Variants in THSD4 observed in about 807,000 individuals in gnomAD.
The protein encoded by THSD4 is thrombospondin type-1 domain-containing protein 4.
Under a neutral mutation model 119.0 loss-of-function variants are expected in THSD4, and 69 were observed. The observed-to-expected ratio is 0.58, with a 90% CI of 0.48 to 0.71. The LOEUF is 0.71. THSD4 is among the 30% of genes least tolerant of loss of function. The pLI, the probability that THSD4 is intolerant of heterozygous loss-of-function variation, is 0.00. For missense variants in THSD4, 1,393 were observed against 1,391.1 expected, an observed-to-expected ratio of 1.00 and a Z score of -0.02; for synonymous variants, 524 against 540.4, an observed-to-expected ratio of 0.97 and a Z score of 0.42.
At chr15:71,521,950 G>C (rs1446389180) in intron 7 of THSD4, among the ~76,000 whole-genome samples, 1 of 152,244 alleles carries the variant, frequency 6.6e-6, no homozygotes, top group East Asian at 1.9e-4. Context: ...ACAGCCACCT[G>C]TGTGGTGAGC....
At chr15:71,214,964 C>T in intron 3 of THSD4, 71 bp from the exon 4 acceptor site, 1 of 1,219,702 alleles carries the variant, frequency 8.2e-7, no homozygotes, top group South Asian at 4.1e-5. Flanking sequence ...GATAAGTCGA[C>T]CCTGCTCAAA....
At chr15:71,241,373 C>A (rs1233422449) in intron 4 of THSD4, among the ~76,000 whole-genome samples, 4 of 152,176 alleles carry the variant, frequency 2.6e-5, no homozygotes, top group Non-Finnish European at 1.5e-5. Context: ...TTTTCTGATC[C>A]CTTCAGACAG....
At chr15:71,512,141 T>A (rs2048292657) in intron 7 of THSD4, among the ~76,000 whole-genome samples, 1 of 152,130 alleles carries the variant, frequency 6.6e-6, no homozygotes, top group Non-Finnish European at 1.5e-5. Flanking sequence ...ACATGGCAAA[T>A]TCTATGCCTA....
chr15:71,299,973 AAAAATAT>A (rs1228590370), intron 6 of THSD4, among the ~76,000 whole-genome samples: 6,773 of 36,934 alleles, frequency 0.18, 141 homozygotes, highest in Non-Finnish European at 0.25. Context: ...AAAAAAAAAA[AAAAATAT>A]ATATATATAT....
intron 6 of THSD4, among the ~76,000 whole-genome samples, chr15:71,322,466 G>A (rs2045281325): frequency 6.6e-6 from 1 of 152,172 alleles, no homozygotes; most frequent in South Asian, 2.1e-4. Context: ...CGGGGTAATA[G>A]AATTCTAAAA....
intron 1 of THSD4, among the ~76,000 whole-genome samples, chr15:71,105,764 G>A (rs2040272063): frequency 6.6e-6 from 1 of 152,076 alleles, no homozygotes; most frequent in South Asian, 2.1e-4. Flanking sequence ...ACCCAAAGAC[G>A]AATTCTCAAA....
chr15:71,415,987 G>A (rs1418428751), intron 7 of THSD4, among the ~76,000 whole-genome samples: 1 of 152,172 alleles, frequency 6.6e-6, no homozygotes, highest in Non-Finnish European at 1.5e-5. Flanking sequence ...AGTAGAGACA[G>A]GGTTTCGTTG....
At chr15:71,230,574 A>G (rs1431329643) in intron 4 of THSD4, among the ~76,000 whole-genome samples, 1 of 152,174 alleles carries the variant, frequency 6.6e-6, no homozygotes, top group Non-Finnish European at 1.5e-5. Context: ...TGTTATCTCC[A>G]TTTTGCTGCT....
At chr15:71,756,169 C>T (rs1401316210) in intron 14 of THSD4, among the ~76,000 whole-genome samples, 3 of 152,072 alleles carry the variant, frequency 2.0e-5, no homozygotes, top group Non-Finnish European at 4.4e-5. Flanking sequence ...CCTGGCAGCC[C>T]AATGCATTGG....
At chr15:71,318,937 G>A (rs958146396) in intron 6 of THSD4, among the ~76,000 whole-genome samples, 1 of 152,142 alleles carries the variant, frequency 6.6e-6, no homozygotes, top group Non-Finnish European at 1.5e-5. Context: ...TTTAGCTTTG[G>A]ATAATTTGTT....
At chr15:71,405,164 C>T (rs1452191182) in intron 6 of THSD4, among the ~76,000 whole-genome samples, 1 of 152,220 alleles carries the variant, frequency 6.6e-6, no homozygotes, top group Admixed American at 6.5e-5. Context: ...GCTGGAATTA[C>T]AGGCGTGAGC....
In THSD4 at chr15:71,646,869, G is replaced by A. The variant is rs1319797881; in HGVS notation, c.1153-13661G>A. Among the ~76,000 whole-genome samples, 3 of 152,184 alleles carry A rather than the reference G, an allele frequency of 2.0e-5. No homozygotes were observed. In the East Asian group the frequency reaches 5.8e-4, roughly 29 times the overall value. ...GCACTCCCTTCCACCTGGAATCAGA[G>A]AATCACATATAGGCATAATGCCTAG... On this transcript the variant is annotated intron_variant, in intron 7 of 17. Coordinates refer to ENST00000261862, the MANE Select transcript of THSD4 (RefSeq NM_024817.3).
intron 7 of THSD4, among the ~76,000 whole-genome samples, chr15:71,593,533 GTGACAAGGCAGGA>G (rs1251374514): frequency 6.6e-6 from 1 of 151,698 alleles, no homozygotes; most frequent in Non-Finnish European, 1.5e-5. Context: ...TGGAGACAGT[GTGACAAGGCAGGA>G]TGACAGTGCC....
intron 8 of THSD4, among the ~76,000 whole-genome samples, chr15:71,669,333 T>G (rs957056399): frequency 3.3e-5 from 5 of 152,242 alleles, no homozygotes; most frequent in Non-Finnish European, 7.3e-5. Flanking sequence ...TAACCATTTT[T>G]GGTGATGTCT....
At chr15:71,772,827 C>G (rs1167240347) in intron 17 of THSD4, among the ~76,000 whole-genome samples, 2 of 152,092 alleles carry the variant, frequency 1.3e-5, no homozygotes, top group Non-Finnish European at 2.9e-5. Context: ...TGAGACCACA[C>G]TGAAGATCCC....
Position 71,274,811 on chromosome 15 carries a change from A to C in THSD4, c.1015+18096A>C, listed in dbSNP as rs571833479. 3.2e-3 allele frequency among the ~76,000 whole-genome samples: 487 copies of C among 152,244 alleles called. 3 individuals are homozygous for C. The highest frequency in any genetic ancestry group is 3.6e-3 in the Non-Finnish European group (246 of 68,018). The stretch of plus-strand genomic sequence containing the variant: ...TAGCAGGTGTAAATGATTCTTTAAA[A>C]AGCTGTTTCTTTCCTGGCACTTGAA... On this transcript the variant is annotated intron_variant, in intron 6 of 17. Transcript: ENST00000261862.
intron 7 of THSD4, among the ~76,000 whole-genome samples, chr15:71,490,145 G>T (rs2047891288): frequency 1.3e-5 from 2 of 152,080 alleles, no homozygotes; most frequent in African/African-American, 4.8e-5. Context: ...AAAATTATAG[G>T]CCAGGTGTGG....
chr15:71,422,605 G>A (rs1034244202), intron 7 of THSD4, among the ~76,000 whole-genome samples: 2 of 152,286 alleles, frequency 1.3e-5, no homozygotes, highest in Admixed American at 1.3e-4. Flanking sequence ...CACCCCTGTG[G>A]CCACCACCAC....
At position 71,660,613 on chromosome 15, in the gene THSD4, G is replaced by T. The variant is rs780681679; in HGVS notation, c.1236G>T (p.Gln412His). 4 of 1,614,204 alleles carry T rather than the reference G, an allele frequency of 2.5e-6. No individual in the cohort carries two copies. The highest frequency in any genetic ancestry group is 1.7e-5 in the Admixed American group (1 of 60,036). ...GTGGAGGAGACAACACGGGCTGTCA[G>T]GTTGTGTCGGGCGTGTTTAAGCATG... ...GVCGGDNTGC[Q>H]VVSGVFKHAL... Residue 412 changes from glutamine to histidine, a missense_variant, in exon 8 of 18, where the codon CAG becomes CAT. Gln to His is a conservative substitution (Grantham distance 24, BLOSUM62 0). Transcript: ENST00000261862.
Sources: allele counts gnomAD v4.1 joint callset (sites outside exome capture counted in the v4.1 genomes callset), GRCh38; gene constraint gnomAD v4.1.1; transcripts MANE v1.5; gene names NCBI Gene and HGNC (gene_info 2026-07-23, HGNC 2026-07-21).